The following SVEP1 variants were observed in gnomAD, a reference collection of about 807,000 sequenced individuals.
The protein encoded by SVEP1 is sushi, von Willebrand factor type A, EGF and pentraxin domain-containing protein 1.
SVEP1 carries 164 observed loss-of-function variants against 367.3 expected under a neutral mutation model. That is an observed-to-expected ratio of 0.45 (90% confidence interval 0.39 to 0.51). The LOEUF (loss-of-function observed/expected upper bound fraction) is 0.51, where lower values mean the gene tolerates loss of function less well. Ranked by LOEUF, SVEP1 falls within the 20% of genes least tolerant of loss-of-function variation. The probability of loss-of-function intolerance (pLI) is 0.00; values close to 1 mark genes in which losing one functional copy is unlikely to be tolerated. For synonymous variants in SVEP1, 1,666 were observed against 1,611.6 expected (o/e 1.03, Z -0.81); for missense variants, 4,117 against 4,425.3 (o/e 0.93, Z 1.98).
chr9:110,546,433 A>G (rs754145078), intron 2 of SVEP1, 142 bp from the exon 3 acceptor site: 285 of 945,242 alleles, frequency 3.0e-4, no homozygotes, highest in Non-Finnish European at 3.9e-4. Context: ...GCTCCCACCC[A>G]AATACGAATG....
At chr9:110,383,769 A>C (rs557941854) in intron 43 of SVEP1, among the ~76,000 whole-genome samples, 1 of 152,234 alleles carries the variant, frequency 6.6e-6, no homozygotes, top group East Asian at 1.9e-4. Context: ...CATCTCAGGG[A>C]GATCAGAGGT....
chr9:110,388,796 C>T (rs762752880), intron 41 of SVEP1, among the ~76,000 whole-genome samples: 8 of 151,832 alleles, frequency 5.3e-5, no homozygotes, highest in Non-Finnish European at 1.2e-4. Flanking sequence ...TGGTGAAACC[C>T]CGTCTCTACT....
intron 5 of SVEP1, among the ~76,000 whole-genome samples, chr9:110,503,487 TG>T (rs1829573076): frequency 6.6e-6 from 1 of 152,164 alleles, no homozygotes. Flanking sequence ...TGGCCCTACA[TG>T]GAAGATGGTA....
intron 34 of SVEP1, among the ~76,000 whole-genome samples, chr9:110,429,631 T>C (rs1828319505): frequency 6.6e-6 from 1 of 152,170 alleles, no homozygotes; most frequent in African/African-American, 2.4e-5. Flanking sequence ...AGTCTGTTTC[T>C]GAGACATCAA....
chr9:110,440,099 C>T (rs902948230), intron 27 of SVEP1, among the ~76,000 whole-genome samples: 2 of 152,144 alleles, frequency 1.3e-5, no homozygotes, highest in African/African-American at 4.8e-5. Context: ...AAACCACTGC[C>T]CCACCTCACT....
chr9:110,496,368 G>A lies in SVEP1; in HGVS notation c.1800+447C>T, dbSNP rs568472395. Among the ~76,000 whole-genome samples the A allele has an allele frequency of 1.4e-3, 211 of 152,332 alleles. 1 individual carries two copies. The highest frequency in any genetic ancestry group is 4.7e-3 in the African/African-American group (194 of 41,588). Reference sequence around the variant, plus strand: ...GGCTAGAATAAAGCAGGCAGAGGAAGGTGAGAAGAGCAGACCTGCTGAGTC... The same window carrying A: ...GGCTAGAATAAAGCAGGCAGAGGAAAGTGAGAAGAGCAGACCTGCTGAGTC... On this transcript the variant is annotated intron_variant, in intron 8 of 47. Coordinates refer to ENST00000374469, the MANE Select transcript of SVEP1 (RefSeq NM_153366.4).
At position 110,443,732 on chromosome 9, in the gene SVEP1, A is replaced by G; in HGVS notation, c.4464-12T>C. The G allele has an allele frequency of 6.4e-7, 1 of 1,569,976 alleles. No homozygotes were observed. Among genetic ancestry groups the G allele is most frequent in the Non-Finnish European group, 8.7e-7 (1 of 1,155,698 alleles). On this transcript the variant is annotated splice_polypyrimidine_tract_variant and intron_variant, in intron 26 of 47. Transcript: ENST00000374469. ...CATAAAGAACCCAGCTGTAGAGAGA[A>G]AGATTCCAGGGAATGTAGTCATTAG...
At chr9:110,417,165 C>G (rs868025174) in intron 36 of SVEP1, among the ~76,000 whole-genome samples, 2 of 151,286 alleles carry the variant, frequency 1.3e-5, no homozygotes, top group Admixed American at 6.6e-5. Flanking sequence ...GCGTGAGCGA[C>G]GCAGAAGACG....
chr9:110,487,252 G>T (rs1437114294), intron 9 of SVEP1, among the ~76,000 whole-genome samples: 1 of 152,098 alleles, frequency 6.6e-6, no homozygotes, highest in Non-Finnish European at 1.5e-5. Flanking sequence ...ATCACACCTG[G>T]CCCTCTCTCT....
chr9:110,400,732 A>T (rs973676403), intron 40 of SVEP1, 122 bp downstream of exon 40: 1 of 1,101,342 alleles, frequency 9.1e-7, no homozygotes, highest in Admixed American at 3.0e-5. Flanking sequence ...GTATAAGGGA[A>T]CAAAGTATAA....
intron 30 of SVEP1, among the ~76,000 whole-genome samples, chr9:110,433,940 T>A (rs376557498): frequency 1.3e-5 from 2 of 152,304 alleles, no homozygotes; most frequent in South Asian, 4.1e-4. Flanking sequence ...CTGCTGCATC[T>A]CCAGGACCTA....
At chr9:110,451,449 T>A in intron 22 of SVEP1, 47 bp from the exon 23 acceptor site, 1 of 1,400,072 alleles carries the variant, frequency 7.1e-7, no homozygotes, top group Non-Finnish European at 1.0e-6. Flanking sequence ...TTGACAGAAC[T>A]TTAAGACCAA....
In SVEP1 at chr9:110,429,350, G is replaced by A. The variant is rs774248453; in HGVS notation, c.5616-16C>T. 5.4e-6 allele frequency: 8 copies of A among 1,482,780 alleles called. No homozygotes were observed. The African/African-American group carries it at 9.9e-5, about 18-fold the overall frequency. 91.9% of individuals were successfully genotyped at this position (1,482,780 alleles called of 1,614,324 possible). On this transcript the variant is annotated splice_polypyrimidine_tract_variant and intron_variant, in intron 34 of 47. Coordinates refer to ENST00000374469, the MANE Select transcript of SVEP1 (RefSeq NM_153366.4). ...TTTATTACACCTAAAGAAGATAGAGGAAAATTACAGGATATAATTTGCTTT... is the reference window on the plus strand; with the variant it reads ...TTTATTACACCTAAAGAAGATAGAGAAAAATTACAGGATATAATTTGCTTT...
Position 110,432,651 on chromosome 9 carries a change from GAAGAAGACAACGA to G in SVEP1, c.5060-29_5060-17del, listed in dbSNP as rs776173133. The G allele has an allele frequency of 1.8e-5, 28 of 1,588,612 alleles. No homozygotes were observed. In the Admixed American group the frequency reaches 3.2e-4, roughly 18 times the overall value. Reference sequence around the variant, plus strand: ...CAGCTAATGCCTGTAAGGTGACCAGGAAGAAGACAACGACATTAAGAGCAAAATACTCCAAGAA... The same window carrying G: ...CAGCTAATGCCTGTAAGGTGACCAGGCATTAAGAGCAAAATACTCCAAGAA... On this transcript the variant is annotated splice_polypyrimidine_tract_variant and intron_variant, in intron 30 of 47. Coordinates refer to ENST00000374469, the MANE Select transcript of SVEP1 (RefSeq NM_153366.4).
chr9:110,579,235 G>T lies in SVEP1; in HGVS notation c.309C>A (p.Leu103=). Reference sequence around the variant, plus strand: ...CGGACAGCAGCTTGCGGACGAACATGAGCTCGCTGCGGAAGTTGACTTCGC... The same window carrying T: ...CGGACAGCAGCTTGCGGACGAACATTAGCTCGCTGCGGAAGTTGACTTCGC... ...SVGEVNFRSE[L]MFVRKLLSDF... is the part of the protein sequence containing the mutation. The change falls in exon 1 of 48, where the codon CTC becomes CTA. Residue 103 remains leucine (L), a synonymous_variant. Coordinates refer to ENST00000374469, the MANE Select transcript of SVEP1 (RefSeq NM_153366.4). This position sits in a 1 kb window ranked among gnomAD's most constrained non-coding sequence, Gnocchi z 5.3. 6.4e-7 allele frequency: 1 copy of T among 1,570,512 alleles called. No homozygotes were observed. Among genetic ancestry groups the T allele is most frequent in the South Asian group, 1.2e-5 (1 of 85,376 alleles).
intron 3 of SVEP1, among the ~76,000 whole-genome samples, chr9:110,522,926 A>C (rs957671626): frequency 6.6e-6 from 1 of 152,174 alleles, no homozygotes; most frequent in Non-Finnish European, 1.5e-5. Context: ...TCTAACCTCC[A>C]TACATAGGTT....
Position 110,528,131 on chromosome 9 carries a change from CGTGT to C in SVEP1, c.965-14029_965-14026del, listed in dbSNP as rs35039778. ...ATATACATATATACATACATACACA[CGTGT>C]GTGTGTGTGTGTGTGTGTGTGTATA... On this transcript the variant is annotated intron_variant, in intron 3 of 47. Coordinates refer to ENST00000374469, the MANE Select transcript of SVEP1 (RefSeq NM_153366.4). 3.3e-3 allele frequency among the ~76,000 whole-genome samples: 214 copies of C among 65,378 alleles called. 2 individuals carry two copies. Among genetic ancestry groups the C allele is most frequent in the East Asian group, 8.0e-3 (27 of 3,370 alleles). The allele number at this position is 65,378 out of a possible 152,430, so 42.9% of individuals were successfully genotyped here. A position where few individuals can be genotyped will look rare whatever the true frequency, so the allele number is the denominator to read the frequency against.
In SVEP1 at chr9:110,459,798, T is replaced by A. The variant is rs182288393; in HGVS notation, c.3323-685A>T. Among the ~76,000 whole-genome samples, 128 of 152,270 alleles carry A rather than the reference T, an allele frequency of 8.4e-4. 1 individual carries two copies. Among genetic ancestry groups the A allele is most frequent in the African/African-American group, 3.0e-3 (123 of 41,578 alleles). ...TGGTATTATTAAATTTTTTTTCCAATTTGAGGGTGAAAACGGAATTAGTTA... is the reference window on the plus strand; with the variant it reads ...TGGTATTATTAAATTTTTTTTCCAAATTGAGGGTGAAAACGGAATTAGTTA... On this transcript the variant is annotated intron_variant, in intron 18 of 47. Transcript: ENST00000374469.
In SVEP1 at chr9:110,411,013, T is replaced by G. The variant is rs541036543; in HGVS notation, c.6648+50A>C. 6 of 1,480,282 alleles carry G rather than the reference T, an allele frequency of 4.1e-6. No individual in the cohort carries two copies. In the Admixed American group the frequency reaches 1.4e-4, roughly 35 times the overall value. 91.7% of individuals were successfully genotyped at this position (1,480,282 alleles called of 1,614,324 possible). ...TTATTTGTTTTGTTTATTTATTTAT[T>G]ATGGGCCCTGTGACAAAAGCCACAG... On this transcript the variant is annotated intron_variant, in intron 37 of 47. Coordinates refer to ENST00000374469, the MANE Select transcript of SVEP1 (RefSeq NM_153366.4).
Sources: gnomAD v4.1 joint callset for allele counts (sites outside exome capture counted in the v4.1 genomes callset) on GRCh38, gnomAD v4.1.1 for gene constraint, Gnocchi (gnomAD v3.1) non-coding constraint, MANE v1.5 for transcripts, NCBI Gene and HGNC (gene_info 2026-07-23, HGNC 2026-07-21) for gene names.